The following ITSN1 variants were observed in gnomAD, a reference collection of about 807,000 sequenced individuals.
ITSN1 encodes intersectin-1.
In ITSN1, 58 loss-of-function variants were observed where a neutral mutation model predicts 239.8. That is an observed-to-expected ratio of 0.24 (90% CI 0.20 to 0.30). The LOEUF is 0.30. Among genes scored for constraint, ITSN1 ranks in the 10% least tolerant of loss-of-function variants. The pLI is 1.00. For synonymous variants in ITSN1, 780 were observed against 770.8 expected (o/e 1.01, Z -0.20); for missense variants, 1,558 against 2,103.3 (o/e 0.74, Z 5.07).
chr21:33,669,532 C>G (rs578131403), intron 1 of ITSN1, among the ~76,000 whole-genome samples: 1 of 151,104 alleles, frequency 6.6e-6, no homozygotes, highest in Non-Finnish European at 1.5e-5. Context: ...CTCCGCCTCC[C>G]GGGTTCAAGC....
At chr21:33,837,790 C>T (rs761825759) in intron 29 of ITSN1, 42 of 985,694 alleles carry the variant, frequency 4.3e-5, no homozygotes, top group Admixed American at 1.8e-4. Context: ...TGTTTTTGTT[C>T]GGTCTCAGAT....
intron 1 of ITSN1, among the ~76,000 whole-genome samples, chr21:33,650,030 GAA>G (rs1165691619): frequency 1.2e-4 from 11 of 89,958 alleles, no homozygotes; most frequent in Admixed American, 1.2e-4. Flanking sequence ...CTCTGTCTCA[GAA>G]AAAAAAAAAA....
At chr21:33,818,573 G>C (rs371846260) in intron 23 of ITSN1, 101 bp downstream of exon 23, 23 of 1,057,764 alleles carry the variant, frequency 2.2e-5, no homozygotes, top group South Asian at 1.8e-4. Flanking sequence ...TGCGGGATTA[G>C]TTTGTCTTCT....
intron 20 of ITSN1, among the ~76,000 whole-genome samples, chr21:33,807,989 T>C (rs1290357743): frequency 6.8e-6 from 1 of 147,936 alleles, no homozygotes; most frequent in Non-Finnish European, 1.5e-5. Context: ...ATCGAGACCA[T>C]CCTGGCTAAC....
At chr21:33,782,157 A>C in intron 16 of ITSN1, 24 bp downstream of exon 16, 1 of 1,608,722 alleles carries the variant, frequency 6.2e-7, no homozygotes, top group Non-Finnish European at 8.5e-7. Flanking sequence ...GTGTGCCTGC[A>C]TGTGTGTCCT....
At chr21:33,781,254 A>G (rs1462677780) in intron 14 of ITSN1, among the ~76,000 whole-genome samples, 1 of 152,244 alleles carries the variant, frequency 6.6e-6, no homozygotes, top group East Asian at 1.9e-4. Flanking sequence ...CAGGGAAGCT[A>G]TAACTGTGTA....
intron 31 of ITSN1, among the ~76,000 whole-genome samples, chr21:33,864,568 C>T (rs1294303421): frequency 1.3e-5 from 2 of 152,144 alleles, no homozygotes; most frequent in Non-Finnish European, 2.9e-5. Context: ...TAGTAATAGA[C>T]CTCTTTTCCG....
At chr21:33,806,038 C>T (rs970378612) in intron 20 of ITSN1, among the ~76,000 whole-genome samples, 1 of 114,316 alleles carries the variant, frequency 8.7e-6, no homozygotes, top group Non-Finnish European at 1.7e-5. Context: ...CCCGTCTCTA[C>T]TAAAAATACA....
At chr21:33,662,262 A>G (rs914908009) in intron 1 of ITSN1, among the ~76,000 whole-genome samples, 1 of 152,140 alleles carries the variant, frequency 6.6e-6, no homozygotes, top group African/African-American at 2.4e-5. Context: ...CGCAGCTATG[A>G]GTCATTTTCC....
chr21:33,773,766 A>G (rs1602147585), intron 12 of ITSN1, among the ~76,000 whole-genome samples: 2 of 150,888 alleles, frequency 1.3e-5, no homozygotes, highest in South Asian at 4.2e-4. Context: ...TGCAGCCTTC[A>G]CCTCCTGGGT....
intron 29 of ITSN1, among the ~76,000 whole-genome samples, chr21:33,856,279 C>A (rs1485051163): frequency 1.3e-5 from 2 of 152,086 alleles, no homozygotes; most frequent in Admixed American, 6.5e-5. Flanking sequence ...GGTGCCCTAA[C>A]AAACGACCAC....
rs376638120 is a variant in ITSN1 at position 33,883,534 on chromosome 21, G to A, written c.4555-16G>A. 1.0e-4 allele frequency: 169 copies of A among 1,612,536 alleles called. No homozygotes were observed. The African/African-American group carries it at 1.9e-3, about 18-fold the overall frequency. ...CCCCCAGCCTCGCTTTGTAATGCCT[G>A]TGTGTTACTTTCCAGCCTATTTTCC... On this transcript the variant is annotated splice_polypyrimidine_tract_variant and intron_variant, in intron 35 of 39. Coordinates refer to ENST00000381318, the MANE Select transcript of ITSN1 (RefSeq NM_003024.3).
At chr21:33,851,778 C>CTTTTTT (rs35567402) in intron 29 of ITSN1, among the ~76,000 whole-genome samples, 25 of 66,206 alleles carry the variant, frequency 3.8e-4, no homozygotes, top group Admixed American at 4.7e-4. Flanking sequence ...CTTTTCTTTC[C>CTTTTTT]TTTTTTTTTT....
rs552111429 is a variant in ITSN1 at position 33,880,555 on chromosome 21, G to A, written c.4342-1688G>A. Among the ~76,000 whole-genome samples the A allele has an allele frequency of 4.6e-5, 7 of 152,288 alleles. No individual in the cohort carries two copies. In the South Asian group the frequency reaches 1.4e-3, roughly 32 times the overall value. On this transcript the variant is annotated intron_variant, in intron 34 of 39. Coordinates refer to ENST00000381318, the MANE Select transcript of ITSN1 (RefSeq NM_003024.3). ...GAGGTCATCTTTCCTCCTCGTGGCT[G>A]ACAGCAGAGTGCAGTGGCCCCTTTC... is the stretch of plus-strand genomic sequence containing the variant.
intron 6 of ITSN1, 128 bp downstream of exon 6, chr21:33,750,450 T>C (rs1291856964): frequency 2.3e-6 from 2 of 856,426 alleles, no homozygotes; most frequent in Non-Finnish European, 3.6e-6. Context: ...AAAATATCTT[T>C]ATTTTTTTCA....
In ITSN1 at chr21:33,761,947, T is replaced by C; in HGVS notation, c.749T>C (p.Met250Thr). Residue 250 changes from methionine to threonine, a missense_variant, in exon 9 of 40, where the codon ATG becomes ACG. This residue lies in a region of ITSN1 where 982 missense variants were observed against 1,209.9 expected (regional missense o/e 0.81). Transcript: ENST00000381318. ...LTGPQARTIL[M>T]QSSLPQAQLA... is the part of the protein sequence containing the mutation. ...GGTCCCCAAGCAAGAACTATTCTTA[T>C]GCAGTCAAGTTTACCACAGGCTCAG... 6.2e-7 allele frequency: 1 copy of C among 1,613,890 alleles called. No individual in the cohort carries two copies. The highest frequency in any genetic ancestry group is 8.5e-7 in the Non-Finnish European group (1 of 1,179,748).
rs200137371 is a variant in ITSN1, at chr21:33,869,064, G to A, written c.4173+1733G>A. The stretch of plus-strand genomic sequence containing the variant: ...ACTCTTTCTTAAAGACAGGCCCAGT[G>A]CCTCTAGGCCTTGATTTTCTTAGCA... On this transcript the variant is annotated intron_variant, in intron 33 of 39. Transcript: ENST00000381318. Among the ~76,000 whole-genome samples the A allele has an allele frequency of 5.9e-5, 9 of 152,046 alleles. No individual in the cohort carries two copies. The East Asian group carries it at 1.7e-3, about 29-fold the overall frequency.
rs1037434248 is a variant in ITSN1 at position 33,890,072 on chromosome 21, A to G, written c.*1772A>G. On this transcript the variant is annotated 3_prime_UTR_variant, in exon 40 of 40. Coordinates refer to ENST00000381318, the MANE Select transcript of ITSN1 (RefSeq NM_003024.3). ...AGACCAAGTTTAACTTCAGGCATGC[A>G]TTTGTTTACCATTTCCCAGCAGAAA... 3.9e-5 allele frequency: 6 copies of G among 152,212 alleles called. No individual in the cohort carries two copies. The highest frequency in any genetic ancestry group is 1.2e-4 in the African/African-American group (5 of 41,450). 9.4% of individuals were successfully genotyped at this position (152,212 alleles called of 1,614,324 possible).
At chr21:33,716,631 A>G (rs947894867) in intron 1 of ITSN1, 3 of 152,208 alleles carry the variant, frequency 2.0e-5, no homozygotes, top group African/African-American at 2.4e-5. Context: ...GAGCTTGGGC[A>G]GTTTTTTAGT....
Sources: gnomAD v4.1 joint callset for allele counts (sites outside exome capture counted in the v4.1 genomes callset) on GRCh38, gnomAD v4.1.1 for gene constraint, gnomAD v4.1.1 regional missense constraint, MANE v1.5 for transcripts, NCBI Gene and HGNC (gene_info 2026-07-23, HGNC 2026-07-21) for gene names.